The following OCRL variants were observed in gnomAD, a reference collection of about 807,000 sequenced individuals.
OCRL encodes the protein OCRL inositol polyphosphate-5-phosphatase, also known as inositol polyphosphate 5-phosphatase OCRL.
A neutral mutation model predicts 78.9 loss-of-function variants in OCRL; 8 were observed. The ratio of observed to expected loss-of-function variants is 0.10; its 90% confidence interval spans 0.06 to 0.18. The LOEUF (loss-of-function observed/expected upper bound fraction) is 0.18. Among genes scored for constraint, OCRL ranks in the 10% least tolerant of loss-of-function variants. The probability of loss-of-function intolerance (pLI) is 1.00; values close to 1 mark genes in which losing one functional copy is unlikely to be tolerated. For synonymous variants in OCRL, 240 were observed against 235.4 expected (o/e 1.02, Z -0.18); for missense variants, 454 against 696.7 (o/e 0.65, Z 3.92).
At chrX:129,554,565 G>A (rs1936011656) in intron 4 of OCRL, 1 of 111,913 alleles carries the variant, frequency 8.9e-6, no homozygotes. Context: ...TTGCCTGAGG[G>A]AGAAGGAGAA....
In OCRL at chrX:129,540,485, G is replaced by T; in HGVS notation, c.39+7G>T. 8.7e-7 allele frequency: 1 copy of T among 1,142,904 alleles called. No individual in the cohort carries two copies. 94.2% of individuals were successfully genotyped at this position (1,142,904 alleles called of 1,213,427 possible). A position where few individuals can be genotyped will look rare whatever the true frequency, so the allele number is the denominator to read the frequency against. On this transcript the variant is annotated splice_region_variant and intron_variant, in intron 1 of 23. Transcript: ENST00000371113. Reference sequence around the variant, plus strand: ...CGGAGCCCAGCCGCTTGCCGTATCCGCCGGAGAGAAGGGAGAGGGGAGGCC... The same window carrying T: ...CGGAGCCCAGCCGCTTGCCGTATCCTCCGGAGAGAAGGGAGAGGGGAGGCC...
intron 7 of OCRL, 42 bp downstream of exon 7, chrX:129,558,795 A>G (rs754557405): frequency 4.1e-6 from 5 of 1,211,452 alleles, no homozygotes; most frequent in Non-Finnish European, 3.4e-6. Context: ...TAGGAGAATT[A>G]TAGTTTAAAC....
chrX:129,587,261 G>A (rs778792737), intron 20 of OCRL, 143 bp downstream of exon 20: 2 of 514,403 alleles, frequency 3.9e-6, no homozygotes, highest in East Asian at 6.9e-5. Context: ...TGGGTGGGTG[G>A]AAGTGTCCTA....
chrX:129,553,312 G>A (rs1235072205), intron 4 of OCRL: 1 of 112,151 alleles, frequency 8.9e-6, no homozygotes, highest in East Asian at 2.8e-4. Flanking sequence ...ATAAGTAGTG[G>A]GTGTGGAAGT....
At chrX:129,571,404 A>G (rs1936300295) in intron 15 of OCRL, among the ~76,000 whole-genome samples, 2 of 90,019 alleles carry the variant, frequency 2.2e-5, no homozygotes, top group African/African-American at 8.9e-5. Flanking sequence ...TCGCTCTGTC[A>G]CCCAGGTTGG....
chrX:129,547,764 G>A (rs891644896), intron 3 of OCRL, among the ~76,000 whole-genome samples: 2 of 110,868 alleles, frequency 1.8e-5, no homozygotes, highest in African/African-American at 6.6e-5. Context: ...ATTCAGTCTT[G>A]GGAGGGAGGT....
In OCRL at chrX:129,559,018, C is replaced by T; in HGVS notation, c.722+17C>T. On this transcript the variant is annotated intron_variant, in intron 8 of 23. Transcript: ENST00000371113. The stretch of plus-strand genomic sequence containing the variant: ...GACTTTCAGGTTAGTGTCTCTTTTG[C>T]TTCCTGAGTCTAAAAAGTTAGTATA... 8.4e-7 allele frequency: 1 copy of T among 1,197,088 alleles called. No individual in the cohort carries two copies. Among genetic ancestry groups the T allele is most frequent in the Middle Eastern group, 2.3e-4 (1 of 4,293 alleles).
At chrX:129,579,845 A>G (rs1936419113) in intron 18 of OCRL, among the ~76,000 whole-genome samples, 1 of 112,481 alleles carries the variant, frequency 8.9e-6, no homozygotes, top group Admixed American at 9.4e-5. Context: ...CACATAAAAT[A>G]TGGCTAAACT....
chrX:129,549,508 T>C (rs1366286659), intron 4 of OCRL: 1 of 111,687 alleles, frequency 9.0e-6, no homozygotes, highest in African/African-American at 3.2e-5. Flanking sequence ...AGGCTTTTTT[T>C]CTGGCTTGAG....
intron 4 of OCRL, among the ~76,000 whole-genome samples, chrX:129,550,100 C>T (rs1346894985): frequency 8.9e-6 from 1 of 112,079 alleles, no homozygotes; most frequent in Non-Finnish European, 1.9e-5. Context: ...TATGCATTTT[C>T]CCATTGTCTG....
chrX:129,584,387 G>A lies in OCRL; in HGVS notation c.2139+20G>A, dbSNP rs759297588. On this transcript the variant is annotated intron_variant, in intron 19 of 23. Coordinates refer to ENST00000371113, the MANE Select transcript of OCRL (RefSeq NM_000276.4). ...GAAAAGGTAATGCAATCCATTGGTG[G>A]TTATGAGAGTTTCCCTGTGCTTGAT... 22 of 1,190,688 alleles carry A rather than the reference G, an allele frequency of 1.8e-5. 1 individual carries two copies. In the South Asian group the frequency reaches 3.7e-4, roughly 20 times the overall value.
chrX:129,551,310 T>G (rs1935957225), intron 4 of OCRL, among the ~76,000 whole-genome samples: 1 of 112,131 alleles, frequency 8.9e-6, no homozygotes, highest in Non-Finnish European at 1.9e-5. Flanking sequence ...ATATGACTAT[T>G]TTTTATGTGC....
In OCRL at chrX:129,591,513, T is replaced by G. The variant is rs1473928023; in HGVS notation, c.*1243T>G. The G allele has an allele frequency of 8.9e-6, 1 of 112,213 alleles. No individual in the cohort carries two copies. The highest frequency in any genetic ancestry group is 1.9e-5 in the Non-Finnish European group (1 of 53,190). 9.2% of individuals were successfully genotyped at this position (112,213 alleles called of 1,213,427 possible). On this transcript the variant is annotated 3_prime_UTR_variant, in exon 24 of 24. Coordinates refer to ENST00000371113, the MANE Select transcript of OCRL (RefSeq NM_000276.4). Reference sequence around the variant, plus strand: ...AGCCTTTTTTTAAAATAAATTAATCTATATTGGTTGACAAACAAGCCACCA... The same window carrying G: ...AGCCTTTTTTTAAAATAAATTAATCGATATTGGTTGACAAACAAGCCACCA...
Position 129,562,793 on chromosome X carries a change from G to C in OCRL, c.1244+7G>C. 1 of 1,205,997 alleles carries C rather than the reference G, an allele frequency of 8.3e-7. No homozygotes were observed. Among genetic ancestry groups the C allele is most frequent in the Non-Finnish European group, 1.1e-6 (1 of 890,321 alleles). ...TGAACATCATGAAACATGAGTAAGT[G>C]GTTAACTCACCTGTAGCCTTTGAGT... On this transcript the variant is annotated splice_region_variant and intron_variant, in intron 12 of 23. Transcript: ENST00000371113.
At chrX:129,587,665 C>G (rs1419717131) in intron 20 of OCRL, among the ~76,000 whole-genome samples, 2 of 110,218 alleles carry the variant, frequency 1.8e-5, no homozygotes, top group Non-Finnish European at 3.8e-5. Flanking sequence ...CGATTTCCTC[C>G]TTCCCCAGCG....
intron 4 of OCRL, chrX:129,553,205 G>A (rs1206805280): frequency 8.9e-6 from 1 of 112,355 alleles, no homozygotes; most frequent in Non-Finnish European, 1.9e-5. Context: ...ATTATATCAA[G>A]CCCTGATTAA....
At chrX:129,580,825 T>C (rs1226963637) in intron 18 of OCRL, among the ~76,000 whole-genome samples, 1 of 112,515 alleles carries the variant, frequency 8.9e-6, no homozygotes, top group Admixed American at 9.4e-5. Flanking sequence ...TCATATGAAC[T>C]AATCCTTTTT....
At position 129,540,477 on chromosome X, in the gene OCRL, C is replaced by T. The variant is rs1266704387; in HGVS notation, c.38C>T (p.Ala13Val). Reference protein sequence around the residue: ...PPLPVGAQPLATVEGMEMKGP... With the variant: ...PPLPVGAQPLVTVEGMEMKGP... ...CTCCCGGTCGGAGCCCAGCCGCTTG[C>T]CGTATCCGCCGGAGAGAAGGGAGAG... is the stretch of plus-strand genomic sequence containing the variant. The change falls in exon 1 of 24, where the codon GCC (alanine) becomes GTC (valine). Residue 13 changes from alanine to valine, a missense_variant and splice_region_variant. Physicochemically the swap from Ala to Val is moderately conservative, Grantham distance 64 (BLOSUM62 0). This residue lies in a region of OCRL where 177 missense variants were observed against 179.6 expected (regional missense o/e 0.99). Transcript: ENST00000371113. The T allele has an allele frequency of 8.7e-7, 1 of 1,153,240 alleles. No individual in the cohort carries two copies.
intron 9 of OCRL, 136 bp from the exon 10 acceptor site, chrX:129,561,043 C>T (rs1797485757): frequency 2.0e-6 from 1 of 498,205 alleles, no homozygotes; most frequent in Non-Finnish European, 3.6e-6. Context: ...TACTGATAAC[C>T]TGGGTGAACA....
Sources: gnomAD v4.1 joint callset for allele counts (sites outside exome capture counted in the v4.1 genomes callset) on GRCh38, gnomAD v4.1.1 for gene constraint, gnomAD v4.1.1 regional missense constraint, MANE v1.5 for transcripts, NCBI Gene and HGNC (gene_info 2026-07-23, HGNC 2026-07-21) for gene names.